RSF1: variants seen among roughly 807,000 people sequenced by gnomAD.
RSF1 encodes HBV pX-associated protein 8.
Under a neutral mutation model 145.2 loss-of-function variants are expected in RSF1, and 13 were observed. The ratio of observed to expected loss-of-function variants is 0.09; its 90% CI spans 0.06 to 0.14. RSF1 has a LOEUF of 0.14. RSF1 is among the 10% of genes least tolerant of loss of function. The pLI is 1.00. For missense variants in RSF1, 1,517 were observed against 1,718.2 expected, an observed-to-expected ratio of 0.88 and a Z score of 2.07; for synonymous variants, 577 against 592.6, an observed-to-expected ratio of 0.97 and a Z score of 0.38.
At chr11:77,763,193 T>C (rs1431362196) in intron 2 of RSF1, 4 of 151,914 alleles carry the variant, frequency 2.6e-5, no homozygotes, top group Non-Finnish European at 5.9e-5. Flanking sequence ...ACAAAAAAAA[T>C]TAGCCAGGCA....
chr11:77,693,764 C>CATTTATTTATTTATTTATTT lies in RSF1; in HGVS notation c.2716-173_2716-154dup, dbSNP rs149549639. Among the ~76,000 whole-genome samples the CATTTATTTATTTATTTATTT allele has an allele frequency of 5.1e-3, 748 of 146,660 alleles. 3 individuals are homozygous for CATTTATTTATTTATTTATTT. The highest frequency in any genetic ancestry group is 6.7e-3 in the Non-Finnish European group (446 of 66,468). The stretch of plus-strand genomic sequence containing the variant: ...AAAGCTCTGATGATTAGGGATCTGA[C>CATTTATTTATTTATTTATTT]ATTTATTTATTTATTTATTTATTTA... On this transcript the variant is annotated intron_variant, in intron 7 of 15. Coordinates refer to ENST00000308488, the MANE Select transcript of RSF1 (RefSeq NM_016578.4).
chr11:77,827,015 G>A, the RSF1 span, among the ~76,000 whole-genome samples: 1 of 152,098 alleles, frequency 6.6e-6, no homozygotes, highest in South Asian at 2.1e-4. Context: ...TGAGGCAGGA[G>A]AATCACTTGA....
intron 3 of RSF1, 56 bp from the exon 4 acceptor site, chr11:77,740,992 G>T: frequency 7.9e-7 from 1 of 1,267,158 alleles, no homozygotes; most frequent in Non-Finnish European, 1.1e-6. Flanking sequence ...CTCCATCACA[G>T]TAAATATGAT....
intron 8 of RSF1, 132 bp downstream of exon 8, chr11:77,693,375 G>A: frequency 1.9e-6 from 1 of 524,300 alleles, no homozygotes; most frequent in Non-Finnish European, 3.4e-6. Context: ...ATAAAAGGTA[G>A]AAATCTAAAC....
At position 77,702,174 on chromosome 11, in the gene RSF1, T is replaced by C. The variant is rs1191564590; in HGVS notation, c.1055A>G (p.Glu352Gly). The change falls in exon 6 of 16, where the codon GAA becomes GGA. Residue 352 changes from glutamate (E) to glycine (G), a missense_variant. This residue lies in a region of RSF1 where 207 missense variants were observed against 191.4 expected (regional missense o/e 1.08). Transcript: ENST00000308488. Reference sequence around the variant, plus strand: ...AGAAGATTTAATATTGCCACCAAATTCGATCCTTTCAGGCTCCTGTGCCAC... The same window carrying C: ...AGAAGATTTAATATTGCCACCAAATCCGATCCTTTCAGGCTCCTGTGCCAC... ...KPVAQEPERI[E>G]FGGNIKSSHE... is the part of the protein sequence containing the mutation. The C allele has an allele frequency of 6.2e-7, 1 of 1,614,000 alleles. No homozygotes were observed. Among genetic ancestry groups the C allele is most frequent in the Non-Finnish European group, 8.5e-7 (1 of 1,179,988 alleles).
At chr11:77,837,866 G>T in the RSF1 span, among the ~76,000 whole-genome samples, 10 of 152,142 alleles carry the variant, frequency 6.6e-5, 1 homozygote, top group East Asian at 1.9e-3. Flanking sequence ...ACCAACATGG[G>T]CAACATAGTG....
intron 5 of RSF1, among the ~76,000 whole-genome samples, chr11:77,710,331 C>T (rs1408016926): frequency 2.6e-5 from 4 of 152,088 alleles, no homozygotes; most frequent in Admixed American, 2.6e-4. Flanking sequence ...CAATTTTAGG[C>T]ATACGGTGTT....
chr11:77,739,347 A>T (rs1229165129), intron 4 of RSF1: 2 of 152,660 alleles, frequency 1.3e-5, no homozygotes, highest in African/African-American at 2.4e-5. Context: ...CAACTACGCC[A>T]AGTTAATATG....
At chr11:77,673,546 G>A (rs76005438) in intron 14 of RSF1, among the ~76,000 whole-genome samples, 18 of 152,152 alleles carry the variant, frequency 1.2e-4, no homozygotes, top group African/African-American at 4.3e-4. Context: ...AAGAATCCAC[G>A]AGTTTACACT....
At chr11:77,669,934 G>T (rs1391087966) in intron 15 of RSF1, among the ~76,000 whole-genome samples, 1 of 152,150 alleles carries the variant, frequency 6.6e-6, no homozygotes, top group Non-Finnish European at 1.5e-5. Flanking sequence ...TTTAAGGTCA[G>T]CCAGGGCAAC....
intron 5 of RSF1, among the ~76,000 whole-genome samples, chr11:77,708,158 G>A (rs367614077): frequency 5.4e-4 from 82 of 152,250 alleles, no homozygotes; most frequent in Non-Finnish European, 9.1e-4. Context: ...GTTGGCTCAC[G>A]CCTGTAATCC....
chr11:77,751,443 TC>T lies in RSF1; in HGVS notation c.280-4316del, dbSNP rs1266759170. On this transcript the variant is annotated intron_variant, in intron 2 of 15. Coordinates refer to ENST00000308488, the MANE Select transcript of RSF1 (RefSeq NM_016578.4). Reference sequence around the variant, plus strand: ...TGAAGACAGGTCGCAGACCTCCCCTTCCCATTTATTAAACAAATTTAAAATT... The same window carrying T: ...TGAAGACAGGTCGCAGACCTCCCCTTCCATTTATTAAACAAATTTAAAATT... 1.1e-4 allele frequency among the ~76,000 whole-genome samples: 16 copies of T among 143,564 alleles called. No homozygotes were observed. In the Admixed American group the frequency reaches 1.1e-3, roughly 10 times the overall value. The allele number at this position is 143,564 out of a possible 152,430, so 94.2% of individuals were successfully genotyped here.
At chr11:77,763,947 A>G (rs1948200897) in intron 2 of RSF1, 1 of 152,182 alleles carries the variant, frequency 6.6e-6, no homozygotes, top group Non-Finnish European at 1.5e-5. Flanking sequence ...TTTGGGGATG[A>G]TTCAAATGCA....
At chr11:77,749,858 C>T (rs1420706358) in intron 2 of RSF1, among the ~76,000 whole-genome samples, 1 of 152,160 alleles carries the variant, frequency 6.6e-6, no homozygotes, top group African/African-American at 2.4e-5. Flanking sequence ...AAGAGATTCT[C>T]CTGCCTCAGC....
At chr11:77,818,361 C>T (rs1303447124) in intron 1 of RSF1, among the ~76,000 whole-genome samples, 4 of 152,176 alleles carry the variant, frequency 2.6e-5, no homozygotes, top group African/African-American at 9.7e-5. Flanking sequence ...ATTACCAAAA[C>T]AATTTACTAG....
intron 5 of RSF1, among the ~76,000 whole-genome samples, chr11:77,708,236 A>G (rs1230357973): frequency 1.3e-5 from 2 of 152,156 alleles, no homozygotes; most frequent in Non-Finnish European, 2.9e-5. Context: ...CCTGGGCAAC[A>G]TAATAAAACC....
the RSF1 span, among the ~76,000 whole-genome samples, chr11:77,870,434 T>C: frequency 6.7e-6 from 1 of 150,080 alleles, no homozygotes; most frequent in African/African-American, 2.5e-5. Flanking sequence ...CCTCCCGGGT[T>C]CATGCCATTC....
chr11:77,825,494 T>TA (rs1416180498), upstream of RSF1, among the ~76,000 whole-genome samples: 1 of 152,132 alleles, frequency 6.6e-6, no homozygotes, highest in Non-Finnish European at 1.5e-5. Context: ...AAAAAGCTAT[T>TA]AAGTGTCAAC....
intron 5 of RSF1, among the ~76,000 whole-genome samples, chr11:77,716,192 G>A (rs1452242115): frequency 2.0e-5 from 3 of 151,720 alleles, no homozygotes; most frequent in African/African-American, 7.3e-5. Context: ...AAGTAGTACA[G>A]CCATATAGGA....
Sources: allele counts gnomAD v4.1 joint callset (sites outside exome capture counted in the v4.1 genomes callset), GRCh38; gene constraint gnomAD v4.1.1; regional missense constraint gnomAD v4.1.1; transcripts MANE v1.5; gene names NCBI Gene and HGNC (gene_info 2026-07-23, HGNC 2026-07-21).